The following SUN1 variants were observed in gnomAD, a reference collection of about 807,000 sequenced individuals.
The protein encoded by SUN1 is SUN domain-containing protein 1.
A neutral mutation model predicts 103.2 loss-of-function variants in SUN1; 61 were observed. The ratio of observed to expected loss-of-function variants is 0.59; its 90% CI spans 0.48 to 0.73. The LOEUF (loss-of-function observed/expected upper bound fraction) is 0.73, where lower values mean the gene tolerates loss of function less well. Among genes scored for constraint, SUN1 ranks in the 30% least tolerant of loss-of-function variants. SUN1 has a pLI of 0.00. For missense variants in SUN1, 1,052 were observed against 1,034.6 expected (o/e 1.02, Z -0.23); for synonymous variants, 490 against 425.7 (o/e 1.15, Z -1.86).
Position 862,082 on chromosome 7 carries a change from G to A in SUN1, c.1864+618G>A, listed in dbSNP as rs553066951. On this transcript the variant is annotated intron_variant, in intron 15 of 18. Transcript: ENST00000401592. ...ACCTGGATCAGACACGAGCATTTCC[G>A]AAAGAACCGTGAGAGGAGAGCTAGA... Among the ~76,000 whole-genome samples, 12 of 152,358 alleles carry A rather than the reference G, an allele frequency of 7.9e-5. No individual in the cohort carries two copies. In the East Asian group the frequency reaches 9.6e-4, roughly 12 times the overall value.
chr7:870,202 C>CT (rs1458472674), intron 17 of SUN1, among the ~76,000 whole-genome samples: 3 of 64,522 alleles, frequency 4.6e-5, no homozygotes, highest in Non-Finnish European at 9.0e-5. Flanking sequence ...GAGACCCTGT[C>CT]TTTAAAAAAA....
Position 860,294 on chromosome 7 carries a change from A to G in SUN1, c.1691A>G (p.His564Arg). Residue 564 changes from histidine to arginine, a missense_variant, in exon 14 of 19, where the codon CAC (histidine) becomes CGC (arginine). Around this residue, in one of 2 missense-constraint regions of SUN1, gnomAD observed 846 missense variants for 774.5 expected, o/e 1.09. Transcript: ENST00000401592. The part of the protein sequence containing the change: ...LQLQILRNVT[H>R]HVSVTKQLPT... Reference sequence around the variant, plus strand: ...CTGCAGATCCTGCGGAACGTCACCCACCACGTTTCCGTGACCAAGCAGCTC... The same window carrying G: ...CTGCAGATCCTGCGGAACGTCACCCGCCACGTTTCCGTGACCAAGCAGCTC... 8 of 1,614,222 alleles carry G rather than the reference A, an allele frequency of 5.0e-6. No homozygotes were observed. The highest frequency in any genetic ancestry group is 5.9e-6 in the Non-Finnish European group (7 of 1,180,046).
intron 10 of SUN1, 55 bp downstream of exon 10, chr7:853,673 C>T: frequency 6.4e-7 from 1 of 1,559,506 alleles, no homozygotes; most frequent in Non-Finnish European, 8.7e-7. Context: ...CTTCTGGGTG[C>T]CATGTTCTCT....
At chr7:868,288 G>A (rs1045954739) in intron 16 of SUN1, among the ~76,000 whole-genome samples, 3 of 152,246 alleles carry the variant, frequency 2.0e-5, no homozygotes, top group Admixed American at 6.5e-5. Flanking sequence ...GCCTGGGGAC[G>A]CTGTGCTGCG....
chr7:851,639 A>G (rs901312942), intron 6 of SUN1, 157 bp downstream of exon 6: 4 of 723,984 alleles, frequency 5.5e-6, no homozygotes, highest in African/African-American at 1.8e-5. Flanking sequence ...AGCAATGTTA[A>G]CTGACTGTAC....
At chr7:859,199 A>G (rs1830257144) in intron 13 of SUN1, among the ~76,000 whole-genome samples, 1 of 151,844 alleles carries the variant, frequency 6.6e-6, no homozygotes, top group African/African-American at 2.4e-5. Context: ...CCGTGCTATC[A>G]GGGAGCTGAG....
upstream of SUN1, among the ~76,000 whole-genome samples, chr7:830,237 G>A (rs1796683421): frequency 6.6e-6 from 1 of 152,176 alleles, no homozygotes; most frequent in East Asian, 1.9e-4. Flanking sequence ...GGACGCTGGG[G>A]CACATTGTCA....
upstream of SUN1, among the ~76,000 whole-genome samples, chr7:828,096 G>C (rs544869706): frequency 6.6e-6 from 1 of 151,012 alleles, no homozygotes; most frequent in African/African-American, 2.4e-5. Context: ...TAGAGGGGTG[G>C]TTTCACCATG....
intron 1 of SUN1, chr7:817,051 C>G (rs1308803724): frequency 5.7e-6 from 1 of 174,930 alleles, no homozygotes; most frequent in East Asian, 1.8e-4. Flanking sequence ...GGCCTCGGCC[C>G]GGGCTGCCCG....
chr7:835,647 A>G (rs1802322866), intron 1 of SUN1, among the ~76,000 whole-genome samples: 1 of 152,176 alleles, frequency 6.6e-6, no homozygotes. Context: ...TCTGTGACAG[A>G]TGGTGTTACG....
At chr7:850,181 ATC>A in intron 5 of SUN1, 1 of 728,808 alleles carries the variant, frequency 1.4e-6, no homozygotes, top group Non-Finnish European at 2.2e-6. Flanking sequence ...AACAGGGTGA[ATC>A]TCTCTCGAAA....
At chr7:818,372 A>T (rs1782851654) in intron 1 of SUN1, among the ~76,000 whole-genome samples, 1 of 152,166 alleles carries the variant, frequency 6.6e-6, no homozygotes, top group Non-Finnish European at 1.5e-5. Context: ...TCAGTATTCC[A>T]TTCCTTTTTA....
upstream of SUN1, among the ~76,000 whole-genome samples, chr7:827,715 C>T (rs1316121490): frequency 6.6e-6 from 1 of 152,066 alleles, no homozygotes; most frequent in African/African-American, 2.4e-5. Flanking sequence ...ATCCTCCCAC[C>T]TTGGCCTCCC....
rs1237246077 is a variant in SUN1, at chr7:843,188, G to T, written c.452-18G>T. 6 of 1,581,662 alleles carry T rather than the reference G, an allele frequency of 3.8e-6. No individual in the cohort carries two copies. Among genetic ancestry groups the T allele is most frequent in the South Asian group, 3.4e-5 (3 of 88,466 alleles). The stretch of plus-strand genomic sequence containing the variant: ...CTCAACAGCAAAAATGTGTGTGTGT[G>T]TGTGTTTTTTTTTTTAGGTCTTGAT... On this transcript the variant is annotated intron_variant, in intron 3 of 18. Transcript: ENST00000401592.
In SUN1 at chr7:874,463, G is replaced by A. The variant is rs1843336503; in HGVS notation, c.*1132G>A. 1 of 152,590 alleles carries A rather than the reference G, an allele frequency of 6.6e-6. No homozygotes were observed. 9.5% of individuals were successfully genotyped at this position (152,590 alleles called of 1,614,324 possible). A position where few individuals can be genotyped will look rare whatever the true frequency, so the allele number is the denominator to read the frequency against. On this transcript the variant is annotated 3_prime_UTR_variant, in exon 19 of 19. Transcript: ENST00000401592. ...CTTAAGAATTATTTAAGTTGTGTTG[G>A]GTTAAGACAGTTTTCAGTGTACCGT... is the stretch of plus-strand genomic sequence containing the variant.
chr7:865,460 C>T (rs537174379), intron 15 of SUN1, among the ~76,000 whole-genome samples: 27 of 152,260 alleles, frequency 1.8e-4, no homozygotes, highest in South Asian at 8.3e-4. Flanking sequence ...TGTATATGTA[C>T]GCCATTTTCC....
chr7:843,822 CT>C, intron 5 of SUN1: 1 of 1,401,120 alleles, frequency 7.1e-7, no homozygotes, highest in Non-Finnish European at 9.2e-7. Context: ...AGATGCACAC[CT>C]TTATTTTTAT....
At chr7:827,495 G>A (rs545094589), upstream of SUN1, among the ~76,000 whole-genome samples, 613 of 147,562 alleles carry the variant, frequency 4.2e-3, no homozygotes, top group Non-Finnish European at 7.0e-3. Context: ...TTTGAGATGG[G>A]GTCACGCTCT....
intron 9 of SUN1, 85 bp from the exon 10 acceptor site, chr7:853,324 C>G (rs766929137): frequency 6.0e-6 from 9 of 1,493,720 alleles, no homozygotes; most frequent in Non-Finnish European, 8.3e-6. Context: ...TGGCGTCTTG[C>G]TGTAGGACAC....
Sources: gnomAD v4.1 joint callset for allele counts (sites outside exome capture counted in the v4.1 genomes callset) on GRCh38, gnomAD v4.1.1 for gene constraint, gnomAD v4.1.1 regional missense constraint, MANE v1.5 for transcripts, NCBI Gene and HGNC (gene_info 2026-07-23, HGNC 2026-07-21) for gene names.